AFG2A: variants seen among roughly 807,000 people sequenced by gnomAD.
AFG2A encodes the protein ATPase family gene 2 protein homolog A.
At chr4:123,093,184 TAGAC>T in the AFG2A span, among the ~76,000 whole-genome samples, 1 of 152,154 alleles carries the variant, frequency 6.6e-6, no homozygotes, top group Non-Finnish European at 1.5e-5. Flanking sequence ...CTGGGGGTGT[TAGAC>T]AGCAATCTTT....
chr4:123,203,279 T>C, the AFG2A span, among the ~76,000 whole-genome samples: 1 of 151,944 alleles, frequency 6.6e-6, no homozygotes, highest in African/African-American at 2.4e-5. Context: ...GCCTCCTGAG[T>C]AGCTGGGATT....
chr4:123,085,355 T>C, the AFG2A span, among the ~76,000 whole-genome samples: 1 of 152,222 alleles, frequency 6.6e-6, no homozygotes, highest in Non-Finnish European at 1.5e-5. Context: ...GTTCTATTAG[T>C]TTTTGCCTCA....
the AFG2A span, among the ~76,000 whole-genome samples, chr4:122,968,867 G>A: frequency 1.9e-4 from 29 of 152,234 alleles, no homozygotes; most frequent in Admixed American, 3.9e-4. Context: ...GTTCCCTGAT[G>A]ACTGAGTCTG....
At chr4:123,180,417 G>C in the AFG2A span, among the ~76,000 whole-genome samples, 4 of 152,188 alleles carry the variant, frequency 2.6e-5, no homozygotes, top group Non-Finnish European at 4.4e-5. Flanking sequence ...GTAGTGGGAA[G>C]TAACAGTAGG....
the AFG2A span, among the ~76,000 whole-genome samples, chr4:122,980,030 A>T: frequency 6.6e-6 from 1 of 152,246 alleles, no homozygotes; most frequent in East Asian, 1.9e-4. Flanking sequence ...TTAGTTTTAT[A>T]CAATTTTATC....
chr4:123,185,673 G>T, the AFG2A span, among the ~76,000 whole-genome samples: 1 of 152,042 alleles, frequency 6.6e-6, no homozygotes, highest in South Asian at 2.1e-4. Flanking sequence ...TGATAGATAT[G>T]TTTTTTTCTT....
At chr4:123,060,967 G>A in the AFG2A span, among the ~76,000 whole-genome samples, 11 of 152,214 alleles carry the variant, frequency 7.2e-5, no homozygotes, top group South Asian at 2.1e-3. Context: ...CTAGGGCAGG[G>A]ACAAAATGCC....
the AFG2A span, among the ~76,000 whole-genome samples, chr4:123,279,655 C>G: frequency 6.6e-6 from 1 of 151,936 alleles, no homozygotes; most frequent in Non-Finnish European, 1.5e-5. Context: ...ATAGAAAGCA[C>G]TTGTACATAT....
chr4:123,067,171 C>T, the AFG2A span, among the ~76,000 whole-genome samples: 1 of 152,038 alleles, frequency 6.6e-6, no homozygotes, highest in South Asian at 2.1e-4. Context: ...TGTTGGCTAG[C>T]CTTCTTTTTT....
chr4:123,208,093 A>G, the AFG2A span, among the ~76,000 whole-genome samples: 1 of 152,226 alleles, frequency 6.6e-6, no homozygotes, highest in Non-Finnish European at 1.5e-5. Flanking sequence ...ATGTAGACCA[A>G]TGGAATTAGA....
At chr4:122,996,174 C>T in the AFG2A span, among the ~76,000 whole-genome samples, 1 of 152,128 alleles carries the variant, frequency 6.6e-6, no homozygotes, top group Non-Finnish European at 1.5e-5. Context: ...CATATTTTTG[C>T]ACATGCTGTC....
At chr4:123,138,234 AT>A in the AFG2A span, among the ~76,000 whole-genome samples, 19 of 152,242 alleles carry the variant, frequency 1.2e-4, no homozygotes, top group East Asian at 3.7e-3. Context: ...TTGCAAAGAG[AT>A]TTCATTGCCC....
chr4:123,081,635 T>A, the AFG2A span, among the ~76,000 whole-genome samples: 2 of 152,180 alleles, frequency 1.3e-5, no homozygotes, highest in Non-Finnish European at 2.9e-5. Context: ...TTCTATTCCT[T>A]TTGATAAATA....
At chr4:123,024,840 A>G in the AFG2A span, among the ~76,000 whole-genome samples, 19 of 152,284 alleles carry the variant, frequency 1.2e-4, 1 homozygote, top group Non-Finnish European at 2.5e-4. Flanking sequence ...GGCTGTCATC[A>G]CAGACTGCAG....
chr4:123,260,244 ATTAGAG>A, the AFG2A span: 2 of 152,232 alleles, frequency 1.3e-5, no homozygotes, highest in South Asian at 2.1e-4. Flanking sequence ...AAAGCAATTC[ATTAGAG>A]TTAAATACAT....
chr4:122,958,763 T>A, the AFG2A span, among the ~76,000 whole-genome samples: 1 of 152,134 alleles, frequency 6.6e-6, no homozygotes, highest in Non-Finnish European at 1.5e-5. Flanking sequence ...AGGGCATTAG[T>A]TCCTAAACCT....
the AFG2A span, among the ~76,000 whole-genome samples, chr4:123,138,854 A>G: frequency 5.3e-5 from 8 of 152,180 alleles, 1 homozygote; most frequent in South Asian, 1.7e-3. Context: ...ATTTTTTCTT[A>G]GGATACCAGA....
At chr4:123,200,028 A>G in the AFG2A span, among the ~76,000 whole-genome samples, 3 of 152,250 alleles carry the variant, frequency 2.0e-5, no homozygotes. Flanking sequence ...ATGCCTTTGC[A>G]GAACGTAGAA....
the AFG2A span, among the ~76,000 whole-genome samples, chr4:123,050,445 C>T: frequency 0.012 from 1,760 of 152,206 alleles, 14 homozygotes; most frequent in Middle Eastern, 0.078. Context: ...CTGTCTCTCT[C>T]GAGAGCTATT....
Sources: allele counts gnomAD v4.1 joint callset (sites outside exome capture counted in the v4.1 genomes callset), GRCh38; gene constraint gnomAD v4.1.1; transcripts MANE v1.5; gene names NCBI Gene and HGNC (gene_info 2026-07-23, HGNC 2026-07-21).